Variants in PIK3CA observed in about 807,000 individuals in gnomAD.
PIK3CA encodes phosphatidylinositol-4,5-bisphosphate 3-kinase catalytic subunit alpha, also known as phosphatidylinositol 4,5-bisphosphate 3-kinase catalytic subunit alpha isoform.
A neutral mutation model predicts 138.2 loss-of-function variants in PIK3CA; 27 were observed. That is an observed-to-expected ratio of 0.20 (90% CI 0.14 to 0.27). PIK3CA has a LOEUF of 0.27. Ranked by LOEUF, PIK3CA falls within the 10% of genes least tolerant of loss-of-function variation. The pLI is 1.00. For missense variants in PIK3CA, 544 were observed against 1,277.4 expected (o/e 0.43, Z 8.75); for synonymous variants, 358 against 413.2 (o/e 0.87, Z 1.62).
At chr3:179,156,903 A>C (rs1560121769) in intron 1 of PIK3CA, among the ~76,000 whole-genome samples, 1 of 152,200 alleles carries the variant, frequency 6.6e-6, no homozygotes, top group Non-Finnish European at 1.5e-5. Flanking sequence ...CTTTAGCCCC[A>C]CAGTGACTGA....
At chr3:179,229,577 T>C (rs746305892) in intron 18 of PIK3CA, 135 bp downstream of exon 18, 11 of 565,246 alleles carry the variant, frequency 1.9e-5, no homozygotes, top group Non-Finnish European at 3.3e-5. Context: ...GCTCAACCTT[T>C]GAAATATTTG....
chr3:179,159,833 C>T (rs1482506166), intron 1 of PIK3CA, among the ~76,000 whole-genome samples: 1 of 152,128 alleles, frequency 6.6e-6, no homozygotes, highest in Non-Finnish European at 1.5e-5. Flanking sequence ...GCCTGTTACT[C>T]CTGGGCTACA....
rs184651863 is a variant in PIK3CA at position 179,239,512 on chromosome 3, T to C, written c.*5148T>C. On this transcript the variant is annotated 3_prime_UTR_variant, in exon 21 of 21. Coordinates refer to ENST00000263967, the MANE Select transcript of PIK3CA (RefSeq NM_006218.4). ...TTTAACTTATGTTCCTAAGAGAGGT[T>C]GGAGAACTTGGCCTTCATCTGATTT... 3.7e-4 allele frequency: 80 copies of C among 214,534 alleles called. No homozygotes were observed. The East Asian group carries it at 5.5e-3, about 15-fold the overall frequency. 13.3% of individuals were successfully genotyped at this position (214,534 alleles called of 1,614,324 possible).
Position 179,235,444 on chromosome 3 carries a change from G to C in PIK3CA, c.*1080G>C, listed in dbSNP as rs1367061193. On this transcript the variant is annotated 3_prime_UTR_variant, in exon 21 of 21. Transcript: ENST00000263967. ...TCAGCTTTCTTCTTGATCTATAGAT[G>C]AGGCTCAGGCACTATCCCATTTATA... 3 of 188,306 alleles carry C rather than the reference G, an allele frequency of 1.6e-5. No individual in the cohort carries two copies. The highest frequency in any genetic ancestry group is 7.0e-5 in the African/African-American group (3 of 42,838). The allele number at this position is 188,306 out of a possible 1,614,324, so 11.7% of individuals were successfully genotyped here.
chr3:179,170,625 C>T (rs1162733398), intron 1 of PIK3CA, among the ~76,000 whole-genome samples: 1 of 152,204 alleles, frequency 6.6e-6, no homozygotes, highest in Middle Eastern at 3.4e-3. Context: ...CTTCAGAAAA[C>T]AGGCATCAAA....
chr3:179,185,017 C>T (rs968604835), intron 1 of PIK3CA, among the ~76,000 whole-genome samples: 2 of 152,126 alleles, frequency 1.3e-5, no homozygotes, highest in African/African-American at 4.8e-5. Flanking sequence ...ATAAGCTAGC[C>T]GTTGATTTTT....
At position 179,167,492 on chromosome 3, in the gene PIK3CA, A is replaced by G. The variant is rs192609366; in HGVS notation, c.-77+18889A>G. On this transcript the variant is annotated intron_variant, in intron 1 of 20. Transcript: ENST00000263967. ...TAATAGTGTCTCATTCTTCCTTTCAAGTCTTTCCCACCCTTCTACAAAATG... is the reference window on the plus strand; with the variant it reads ...TAATAGTGTCTCATTCTTCCTTTCAGGTCTTTCCCACCCTTCTACAAAATG... Among the ~76,000 whole-genome samples the G allele has an allele frequency of 1.4e-3, 210 of 152,184 alleles. 1 individual carries two copies. Among genetic ancestry groups the G allele is most frequent in the African/African-American group, 4.7e-3 (196 of 41,550 alleles).
At chr3:179,225,270 CAG>C (rs1725056462) in intron 16 of PIK3CA, among the ~76,000 whole-genome samples, 2 of 151,854 alleles carry the variant, frequency 1.3e-5, no homozygotes, top group South Asian at 2.1e-4. Flanking sequence ...TACAGCCTAA[CAG>C]AGAAAAGAGG....
chr3:179,220,150 G>C lies in PIK3CA; in HGVS notation c.2015+98G>C. On this transcript the variant is annotated intron_variant, in intron 13 of 20. Coordinates refer to ENST00000263967, the MANE Select transcript of PIK3CA (RefSeq NM_006218.4). The surrounding 1 kb of genome is among the most constrained non-coding windows in gnomAD (Gnocchi z 4.1). Reference sequence around the variant, plus strand: ...GTATTACTTATATACTTTTGTTTATGTTTGGCTGGAAGAGTTTTCCATACT... The same window carrying C: ...GTATTACTTATATACTTTTGTTTATCTTTGGCTGGAAGAGTTTTCCATACT... 1 of 993,510 alleles carries C rather than the reference G, an allele frequency of 1.0e-6. No individual in the cohort carries two copies. The highest frequency in any genetic ancestry group is 3.0e-5 in the East Asian group (1 of 33,072). 61.5% of individuals were successfully genotyped at this position (993,510 alleles called of 1,614,324 possible). A position where few individuals can be genotyped will look rare whatever the true frequency, so the allele number is the denominator to read the frequency against.
Position 179,238,439 on chromosome 3 carries a change from A to G in PIK3CA, c.*4075A>G. 4.5e-6 allele frequency: 1 copy of G among 221,548 alleles called. No individual in the cohort carries two copies. The allele number at this position is 221,548 out of a possible 1,614,324, so 13.7% of individuals were successfully genotyped here. ...TGAAAAGATCATGGGGTTTAGCTCA[A>G]AATATCTGTGGTCCTGATAAAATTG... On this transcript the variant is annotated 3_prime_UTR_variant, in exon 21 of 21. Coordinates refer to ENST00000263967, the MANE Select transcript of PIK3CA (RefSeq NM_006218.4).
At position 179,225,944 on chromosome 3, in the gene PIK3CA, A is replaced by G; in HGVS notation, c.2417-18A>G. ...CATCTGTGGCATTAAATGGTGATAC[A>G]TATTATTTGAATTTCAGATTTACGG... On this transcript the variant is annotated intron_variant, in intron 16 of 20. Coordinates refer to ENST00000263967, the MANE Select transcript of PIK3CA (RefSeq NM_006218.4). 2.3e-6 allele frequency: 3 copies of G among 1,317,616 alleles called. No individual in the cohort carries two copies. The highest frequency in any genetic ancestry group is 3.3e-6 in the Non-Finnish European group (3 of 914,806). 81.6% of individuals were successfully genotyped at this position (1,317,616 alleles called of 1,614,324 possible). A position where few individuals can be genotyped will look rare whatever the true frequency, so the allele number is the denominator to read the frequency against.
chr3:179,228,990 G>A (rs1310417518), intron 17 of PIK3CA, among the ~76,000 whole-genome samples: 1 of 151,998 alleles, frequency 6.6e-6, no homozygotes, highest in Non-Finnish European at 1.5e-5. Context: ...AATCATAAAT[G>A]TTTGTAAAAT....
chr3:179,229,455 ATTCT>A lies in PIK3CA; in HGVS notation c.2666+19_2666+22del. 1 of 1,599,168 alleles carries A rather than the reference ATTCT, an allele frequency of 6.3e-7. No homozygotes were observed. Among genetic ancestry groups the A allele is most frequent in the East Asian group, 2.3e-5 (1 of 44,348 alleles). The stretch of plus-strand genomic sequence containing the variant: ...ACAAAGGAGAAATGTGAGTTGTATT[ATTCT>A]TTCTTCCTATGTTAATCTAAGTTTT... On this transcript the variant is annotated intron_variant, in intron 18 of 20. Transcript: ENST00000263967.
At chr3:179,224,223 A>G (rs556402054) in intron 15 of PIK3CA, 36 bp downstream of exon 15, 1 of 995,158 alleles carries the variant, frequency 1.0e-6, no homozygotes, top group Non-Finnish European at 1.5e-6. Context: ...ATATTTAAAT[A>G]AATACCTTTT....
chr3:179,177,398 C>T (rs1272356284), intron 1 of PIK3CA, among the ~76,000 whole-genome samples: 9 of 151,116 alleles, frequency 6.0e-5, no homozygotes, highest in Non-Finnish European at 1.3e-4. Context: ...CTGCAACCTC[C>T]GCCTCCTCGT....
At position 179,214,699 on chromosome 3, in the gene PIK3CA, G is replaced by T. The variant is rs115361845; in HGVS notation, c.1540-3511G>T. ...GGATACCACCACAAACCTTCAGTTT[G>T]TTGGAAATGCAATATCTGTGAGGTA... is the stretch of plus-strand genomic sequence containing the variant. On this transcript the variant is annotated intron_variant, in intron 9 of 20. Coordinates refer to ENST00000263967, the MANE Select transcript of PIK3CA (RefSeq NM_006218.4). Among the ~76,000 whole-genome samples the T allele has an allele frequency of 1.7e-3, 260 of 152,232 alleles. 1 individual carries two copies. The highest frequency in any genetic ancestry group is 6.1e-3 in the African/African-American group (252 of 41,532).
chr3:179,169,563 T>C (rs1723499537), intron 1 of PIK3CA, among the ~76,000 whole-genome samples: 2 of 152,212 alleles, frequency 1.3e-5, no homozygotes, highest in Non-Finnish European at 2.9e-5. Context: ...GGACCGTCTA[T>C]TAAATAATCT....
intron 1 of PIK3CA, among the ~76,000 whole-genome samples, chr3:179,171,533 A>G (rs1271881198): frequency 6.6e-6 from 1 of 152,142 alleles, no homozygotes; most frequent in Non-Finnish European, 1.5e-5. Flanking sequence ...GATGTAAATT[A>G]GAAATACTGA....
intron 1 of PIK3CA, among the ~76,000 whole-genome samples, chr3:179,172,407 T>G (rs76206581): frequency 0.031 from 4,638 of 151,824 alleles, 89 homozygotes; most frequent in Non-Finnish European, 0.046. Context: ...AAAAAGAAAT[T>G]TAAAGGATAT....
Sources: allele counts gnomAD v4.1 joint callset (sites outside exome capture counted in the v4.1 genomes callset), GRCh38; gene constraint gnomAD v4.1.1; non-coding constraint Gnocchi (gnomAD v3.1); transcripts MANE v1.5; gene names NCBI Gene and HGNC (gene_info 2026-07-23, HGNC 2026-07-21).